TXNRD1: variants seen among roughly 807,000 people sequenced by gnomAD.
TXNRD1 encodes thioredoxin reductase 1, also known as thioredoxin reductase 1, cytoplasmic.
In TXNRD1, 57 loss-of-function variants were observed where a neutral mutation model predicts 80.3. The observed-to-expected ratio is 0.71, with a 90% CI of 0.57 to 0.89. TXNRD1 has a LOEUF of 0.89. Ranked by LOEUF, TXNRD1 falls within the 40% of genes least tolerant of loss-of-function variation. TXNRD1 has a pLI of 0.00. For missense variants in TXNRD1, 730 were observed against 803.0 expected (o/e 0.91, Z 1.10); for synonymous variants, 291 against 285.2 (o/e 1.02, Z -0.20).
chr12:104,324,178 A>T (rs2035669503), intron 10 of TXNRD1, among the ~76,000 whole-genome samples: 1 of 152,198 alleles, frequency 6.6e-6, no homozygotes, highest in Non-Finnish European at 1.5e-5. Flanking sequence ...GGACCAATTA[A>T]GCTCTTTTCC....
At chr12:104,310,115 T>C (rs2035078998) in intron 4 of TXNRD1, 1 of 1,485,360 alleles carries the variant, frequency 6.7e-7, no homozygotes, top group Admixed American at 2.5e-5. Context: ...TTTGGGGGCT[T>C]TTTTTTGTTA....
intron 16 of TXNRD1, among the ~76,000 whole-genome samples, chr12:104,347,707 G>C (rs1003452739): frequency 1.3e-5 from 2 of 152,170 alleles, no homozygotes; most frequent in African/African-American, 4.8e-5. Context: ...ATATTCACTA[G>C]TCGAATAATT....
At chr12:104,309,754 CA>C in intron 4 of TXNRD1, 5 of 1,518,832 alleles carry the variant, frequency 3.3e-6, no homozygotes, top group Non-Finnish European at 3.5e-6. Context: ...GTTTTTCCCC[CA>C]CAGTGCTTTG....
chr12:104,296,037 A>G (rs979423960), intron 4 of TXNRD1, among the ~76,000 whole-genome samples: 1 of 152,200 alleles, frequency 6.6e-6, no homozygotes, highest in African/African-American at 2.4e-5. Flanking sequence ...AAGAGAAAAT[A>G]AAAGCCTTGA....
At chr12:104,300,407 G>A (rs1202328670) in intron 4 of TXNRD1, among the ~76,000 whole-genome samples, 6 of 152,222 alleles carry the variant, frequency 3.9e-5, no homozygotes, top group Non-Finnish European at 8.8e-5. Context: ...CGGGAATAAG[G>A]TAGACGCCAC....
At chr12:104,278,189 CTT>C (rs202175579) in intron 3 of TXNRD1, among the ~76,000 whole-genome samples, 58 of 98,258 alleles carry the variant, frequency 5.9e-4, no homozygotes, top group African/African-American at 2.1e-3. Context: ...TGATCAAATT[CTT>C]TTTTTTTTTT....
chr12:104,345,954 A>G, intron 16 of TXNRD1: 8 of 1,288,586 alleles, frequency 6.2e-6, no homozygotes, highest in Non-Finnish European at 8.1e-6. Flanking sequence ...TTTTAAAAAT[A>G]CATGTTTTTA....
intron 3 of TXNRD1, among the ~76,000 whole-genome samples, chr12:104,278,570 T>TG (rs1261746015): frequency 6.9e-6 from 1 of 145,920 alleles, no homozygotes; most frequent in South Asian, 2.2e-4. Context: ...GGTGCCGTCT[T>TG]GGCTCACTGC....
At chr12:104,229,087 G>A (rs113799412) in intron 1 of TXNRD1, among the ~76,000 whole-genome samples, 2,030 of 150,840 alleles carry the variant, frequency 0.013, 34 homozygotes, top group South Asian at 0.073. Context: ...TCTTTCCCTA[G>A]CAATTGCTAG....
At position 104,334,318 on chromosome 12, in the gene TXNRD1, A is replaced by G. The variant is rs760735240; in HGVS notation, c.1732A>G (p.Asn578Asp). 101 of 1,499,222 alleles carry G rather than the reference A, an allele frequency of 6.7e-5. No individual in the cohort carries two copies. Among genetic ancestry groups the G allele is most frequent in the African/African-American group, 9.9e-5 (7 of 70,926 alleles). 92.9% of individuals were successfully genotyped at this position (1,499,222 alleles called of 1,614,324 possible). A position where few individuals can be genotyped will look rare whatever the true frequency, so the allele number is the denominator to read the frequency against. The change falls in exon 15 of 17, where the codon AAT (asparagine) becomes GAT (aspartate). Residue 578 changes from asparagine to aspartate, a missense_variant. Asn to Asp is a conservative substitution (Grantham distance 23). Coordinates refer to ENST00000525566, the MANE Select transcript of TXNRD1 (RefSeq NM_001093771.3). ...NNKCYAKIIC[N>D]TKDNERVVGF... ...CAAATGTTATGCAAAAATAATCTGT[A>G]ATACTAAAGACAATGTAAGTTTAAT...
At chr12:104,317,184 A>G (rs1432077778) in intron 7 of TXNRD1, among the ~76,000 whole-genome samples, 1 of 152,138 alleles carries the variant, frequency 6.6e-6, no homozygotes, top group African/African-American at 2.4e-5. Flanking sequence ...TGATTAGCAC[A>G]TGTGGGTGAG....
chr12:104,309,096 C>T (rs1442902130), intron 4 of TXNRD1, among the ~76,000 whole-genome samples: 1 of 151,992 alleles, frequency 6.6e-6, no homozygotes, highest in Non-Finnish European at 1.5e-5. Flanking sequence ...GACGGGGTTT[C>T]ACCGTGTTGC....
chr12:104,296,598 A>T (rs2034445425), intron 4 of TXNRD1, among the ~76,000 whole-genome samples: 1 of 152,182 alleles, frequency 6.6e-6, no homozygotes, highest in African/African-American at 2.4e-5. Context: ...TTGTAAGATA[A>T]GGTCTTTACA....
chr12:104,266,145 C>T (rs972234069), intron 3 of TXNRD1, among the ~76,000 whole-genome samples: 5 of 152,108 alleles, frequency 3.3e-5, no homozygotes, highest in African/African-American at 1.2e-4. Context: ...CCACCTTAGC[C>T]TTCCAAGTAG....
chr12:104,317,897 T>C (rs1271771414), intron 7 of TXNRD1, among the ~76,000 whole-genome samples: 2 of 152,190 alleles, frequency 1.3e-5, no homozygotes, highest in Non-Finnish European at 2.9e-5. Context: ...CCCAGCACTT[T>C]GGGAGGCTGA....
At chr12:104,241,177 C>G (rs2032854100) in intron 1 of TXNRD1, among the ~76,000 whole-genome samples, 1 of 149,702 alleles carries the variant, frequency 6.7e-6, no homozygotes, top group Non-Finnish European at 1.5e-5. Context: ...GTAGCTGGGA[C>G]TACGGGCTCA....
intron 1 of TXNRD1, among the ~76,000 whole-genome samples, chr12:104,245,286 C>T (rs928847663): frequency 6.6e-6 from 1 of 151,178 alleles, no homozygotes; most frequent in African/African-American, 2.4e-5. Context: ...CTGCGGCAGG[C>T]GGGTCACCTG....
chr12:104,255,112 TAAATAAAAA>T (rs2033220570), intron 2 of TXNRD1, among the ~76,000 whole-genome samples: 1 of 151,384 alleles, frequency 6.6e-6, no homozygotes, highest in African/African-American at 2.4e-5. Context: ...TCTAAATAAA[TAAATAAAAA>T]AAATAAAAAT....
chr12:104,317,733 G>A (rs1478583196), intron 7 of TXNRD1, among the ~76,000 whole-genome samples: 1 of 152,234 alleles, frequency 6.6e-6, no homozygotes, highest in Admixed American at 6.5e-5. Flanking sequence ...CTTCTCAGGA[G>A]GCTGAAGCAG....
Sources: allele counts gnomAD v4.1 joint callset (sites outside exome capture counted in the v4.1 genomes callset), GRCh38; gene constraint gnomAD v4.1.1; transcripts MANE v1.5; gene names NCBI Gene and HGNC (gene_info 2026-07-23, HGNC 2026-07-21).